The following PSMD1 variants were observed in gnomAD, a reference collection of about 807,000 sequenced individuals.
PSMD1 encodes the protein proteasome 26S subunit, non-ATPase 1.
A neutral mutation model predicts 119.0 loss-of-function variants in PSMD1; 18 were observed. The observed-to-expected ratio is 0.15, with a 90% CI of 0.10 to 0.22. The LOEUF is 0.22. Among genes scored for constraint, PSMD1 ranks in the 10% least tolerant of loss-of-function variants. PSMD1 has a pLI of 1.00. For synonymous variants in PSMD1, 374 were observed against 396.6 expected (o/e 0.94, Z 0.68); for missense variants, 702 against 1,158.5 (o/e 0.61, Z 5.72).
At chr2:231,139,943 C>T (rs1696065186) in intron 17 of PSMD1, among the ~76,000 whole-genome samples, 1 of 152,144 alleles carries the variant, frequency 6.6e-6, no homozygotes, top group African/African-American at 2.4e-5. Flanking sequence ...ACAGCAGTGA[C>T]ATAATCATGA....
intron 16 of PSMD1, chr2:231,108,865 C>T (rs1695054916): frequency 6.2e-7 from 1 of 1,614,144 alleles, no homozygotes; most frequent in African/African-American, 1.3e-5. Context: ...AGCCTATCCA[C>T]ACAAATATCT....
At chr2:231,152,819 A>C (rs1342660508) in intron 18 of PSMD1, among the ~76,000 whole-genome samples, 1 of 152,250 alleles carries the variant, frequency 6.6e-6, no homozygotes, top group Non-Finnish European at 1.5e-5. Context: ...AGTGTAAGAC[A>C]TAGAAGAAGC....
intron 5 of PSMD1, among the ~76,000 whole-genome samples, chr2:231,069,748 T>A (rs1219594960): frequency 2.0e-5 from 3 of 152,248 alleles, no homozygotes; most frequent in Admixed American, 2.0e-4. Flanking sequence ...ATTAACAGCA[T>A]CACTTTATTA....
At chr2:231,146,446 A>G (rs1696255161) in intron 18 of PSMD1, 90 bp downstream of exon 18, 2 of 933,800 alleles carry the variant, frequency 2.1e-6, no homozygotes, top group East Asian at 4.9e-5. Flanking sequence ...TTTAGTTCAA[A>G]TATGGTAAAC....
intron 16 of PSMD1, among the ~76,000 whole-genome samples, chr2:231,121,893 A>G (rs1375348948): frequency 6.6e-6 from 1 of 152,190 alleles, no homozygotes; most frequent in African/African-American, 2.4e-5. Flanking sequence ...CTAGCAAAGC[A>G]CAGTTTGAAG....
At chr2:231,087,255 C>G (rs1694475763) in intron 16 of PSMD1, 74 bp downstream of exon 16, 1 of 1,292,348 alleles carries the variant, frequency 7.7e-7, no homozygotes, top group East Asian at 2.4e-5. Flanking sequence ...ACCGAAACTA[C>G]CAAACAGTTT....
intron 16 of PSMD1, among the ~76,000 whole-genome samples, chr2:231,129,924 G>A (rs1198776710): frequency 6.6e-6 from 1 of 152,180 alleles, no homozygotes; most frequent in African/African-American, 2.4e-5. Context: ...CACTGTGTCA[G>A]CTCACTGCAA....
At chr2:231,082,450 T>A (rs928809664) in intron 12 of PSMD1, among the ~76,000 whole-genome samples, 1 of 152,116 alleles carries the variant, frequency 6.6e-6, no homozygotes, top group Non-Finnish European at 1.5e-5. Context: ...ACACCTATAA[T>A]CCCAGAACTT....
chr2:231,074,489 C>T lies in PSMD1; in HGVS notation c.882-1022C>T, dbSNP rs561548520. On this transcript the variant is annotated intron_variant, in intron 7 of 24. Coordinates refer to ENST00000308696, the MANE Select transcript of PSMD1 (RefSeq NM_002807.4). ...GGCTTATGTGTGGTGGTTACAAGTT[C>T]CTTCTGAGTTAATCTTCATTTCTGA... is the stretch of plus-strand genomic sequence containing the variant. 7.2e-5 allele frequency among the ~76,000 whole-genome samples: 11 copies of T among 152,122 alleles called. No homozygotes were observed. In the East Asian group the frequency reaches 2.1e-3, roughly 29 times the overall value.
chr2:231,073,155 A>G (rs1435007431), intron 7 of PSMD1, among the ~76,000 whole-genome samples: 1 of 152,198 alleles, frequency 6.6e-6, no homozygotes, highest in Admixed American at 6.5e-5. Flanking sequence ...ACACACATTT[A>G]TTGATTGAGT....
intron 16 of PSMD1, 144 bp downstream of exon 16, chr2:231,087,325 T>G: frequency 1.6e-6 from 1 of 641,120 alleles, no homozygotes; most frequent in Non-Finnish European, 2.7e-6. Context: ...TGAGGACCAT[T>G]TAATAGCGAG....
At chr2:231,154,016 G>A (rs1696426223) in intron 19 of PSMD1, among the ~76,000 whole-genome samples, 1 of 152,146 alleles carries the variant, frequency 6.6e-6, no homozygotes, top group Non-Finnish European at 1.5e-5. Context: ...GGGAGGCTGA[G>A]GCAGGAGTAT....
Position 231,079,630 on chromosome 2 carries a change from C to T in PSMD1, c.1239+16C>T, listed in dbSNP as rs200940695. On this transcript the variant is annotated intron_variant, in intron 11 of 24. Coordinates refer to ENST00000308696, the MANE Select transcript of PSMD1 (RefSeq NM_002807.4). ...AATTCATAAGGTAATATATATTGGTCAGTGTATACAGGCATCAGAAAAGAA... is the reference window on the plus strand; with the variant it reads ...AATTCATAAGGTAATATATATTGGTTAGTGTATACAGGCATCAGAAAAGAA... The T allele has an allele frequency of 1.5e-5, 22 of 1,499,098 alleles. No individual in the cohort carries two copies. In the East Asian group the frequency reaches 4.1e-4, roughly 28 times the overall value. 92.9% of individuals were successfully genotyped at this position (1,499,098 alleles called of 1,614,324 possible). A position where few individuals can be genotyped will look rare whatever the true frequency, so the allele number is the denominator to read the frequency against.
chr2:231,120,345 A>C (rs539856270), intron 16 of PSMD1, among the ~76,000 whole-genome samples: 1 of 152,312 alleles, frequency 6.6e-6, no homozygotes, highest in South Asian at 2.1e-4. Context: ...TATCAGCATA[A>C]GGTGTTGTTT....
chr2:231,110,790 C>T (rs922470916), intron 16 of PSMD1, among the ~76,000 whole-genome samples: 1 of 152,226 alleles, frequency 6.6e-6, no homozygotes, highest in African/African-American at 2.4e-5. Flanking sequence ...ACTGCCACTC[C>T]CATTTGTTAG....
intron 16 of PSMD1, chr2:231,123,411 AC>A: frequency 6.2e-7 from 1 of 1,608,230 alleles, no homozygotes. Flanking sequence ...TGAAATACTT[AC>A]CAAACATTAT....
intron 16 of PSMD1, chr2:231,133,495 A>G (rs1695896812): frequency 6.6e-6 from 1 of 152,226 alleles, no homozygotes; most frequent in Non-Finnish European, 1.5e-5. Context: ...CATGGCCACA[A>G]AGGTGGTTTT....
intron 17 of PSMD1, 121 bp downstream of exon 17, chr2:231,138,971 C>G: frequency 1.3e-6 from 1 of 785,424 alleles, no homozygotes; most frequent in Non-Finnish European, 2.2e-6. Context: ...AGTAAACTTG[C>G]CATACAAAGC....
At chr2:231,085,213 C>CTGGTGGTGGT in intron 15 of PSMD1, 99 bp downstream of exon 15, 7 of 950,740 alleles carry the variant, frequency 7.4e-6, no homozygotes, top group Non-Finnish European at 1.0e-5. Context: ...CGCATGACCA[C>CTGGTGGTGGT]CACCAGTGGT....
Sources: allele counts gnomAD v4.1 joint callset (sites outside exome capture counted in the v4.1 genomes callset), GRCh38; gene constraint gnomAD v4.1.1; transcripts MANE v1.5; gene names NCBI Gene and HGNC (gene_info 2026-07-23, HGNC 2026-07-21).